The following CAPZA2 variants were observed in gnomAD, a reference collection of about 807,000 sequenced individuals.
CAPZA2 encodes capping actin protein of muscle Z-line subunit alpha 2.
In CAPZA2, 13 loss-of-function variants were observed where a neutral mutation model predicts 44.0. The ratio of observed to expected loss-of-function variants is 0.30; its 90% CI spans 0.19 to 0.47. The LOEUF is 0.47. Among genes scored for constraint, CAPZA2 ranks in the 20% least tolerant of loss-of-function variants. The pLI, the probability that CAPZA2 is intolerant of heterozygous loss-of-function variation, is 1.00. For synonymous variants in CAPZA2, 94 were observed against 108.2 expected (o/e 0.87, Z 0.81); for missense variants, 244 against 338.6 (o/e 0.72, Z 2.19).
intron 2 of CAPZA2, among the ~76,000 whole-genome samples, chr7:116,891,630 G>C (rs1413795679): frequency 3.9e-5 from 6 of 152,136 alleles, no homozygotes; most frequent in Non-Finnish European, 5.9e-5. Context: ...TCCTGCCTCA[G>C]CCTCCCAAGC....
At chr7:116,878,637 C>G (rs903658939) in intron 1 of CAPZA2, among the ~76,000 whole-genome samples, 4 of 152,112 alleles carry the variant, frequency 2.6e-5, no homozygotes, top group Non-Finnish European at 4.4e-5. Context: ...GTTGCTATTA[C>G]TGGTGTTTGA....
Position 116,886,141 on chromosome 7 carries a change from A to G in CAPZA2, c.40-1986A>G, listed in dbSNP as rs137903587. 8.4e-3 allele frequency: 1,296 copies of G among 154,962 alleles called. 6 individuals are homozygous for G. Among genetic ancestry groups the G allele is most frequent in the Non-Finnish European group, 0.012 (850 of 68,222 alleles). The allele number at this position is 154,962 out of a possible 1,614,324, so 9.6% of individuals were successfully genotyped here. On this transcript the variant is annotated intron_variant, in intron 1 of 9. Coordinates refer to ENST00000361183, the MANE Select transcript of CAPZA2 (RefSeq NM_006136.3). The stretch of plus-strand genomic sequence containing the variant: ...AAAAATGGTATTTAAATTAGTGCTT[A>G]CCAAGTACTTTAGATCATTTACTCT...
intron 1 of CAPZA2, among the ~76,000 whole-genome samples, chr7:116,866,849 A>T (rs764532775): frequency 1.1e-4 from 17 of 152,138 alleles, no homozygotes; most frequent in Admixed American, 2.0e-4. Context: ...TGTTCACTGG[A>T]GATGGTTAAT....
rs751850071 is a variant in CAPZA2, at chr7:116,892,980, TA to T, written c.104-12del. On this transcript the variant is annotated splice_polypyrimidine_tract_variant and intron_variant, in intron 2 of 9. Coordinates refer to ENST00000361183, the MANE Select transcript of CAPZA2 (RefSeq NM_006136.3). ...TATAACAATAATAATGTAGATAACA[TA>T]ATTGTTTTGCAGATGTTCGGTTACT... 59 of 1,570,528 alleles carry T rather than the reference TA, an allele frequency of 3.8e-5. No homozygotes were observed. The highest frequency in any genetic ancestry group is 3.4e-5 in the Admixed American group (2 of 58,010).
At chr7:116,900,532 G>GGTCA (rs1240274549) in intron 4 of CAPZA2, among the ~76,000 whole-genome samples, 1 of 151,858 alleles carries the variant, frequency 6.6e-6, no homozygotes, top group Non-Finnish European at 1.5e-5. Context: ...AAATGGTGGG[G>GGTCA]GTCAGAGTGG....
At chr7:116,915,989 A>G (rs1791674145) in intron 8 of CAPZA2, 71 bp from the exon 9 acceptor site, 1 of 1,014,204 alleles carries the variant, frequency 9.9e-7, no homozygotes, top group Non-Finnish European at 1.4e-6. Flanking sequence ...TACATTAACC[A>G]TACATATATT....
chr7:116,902,723 A>G (rs942257966), intron 4 of CAPZA2, among the ~76,000 whole-genome samples: 22 of 152,122 alleles, frequency 1.4e-4, no homozygotes, highest in Admixed American at 1.4e-3. Flanking sequence ...ATGTACAGCA[A>G]TACTCATTTC....
At chr7:116,882,225 A>T (rs946153950) in intron 1 of CAPZA2, among the ~76,000 whole-genome samples, 3 of 152,192 alleles carry the variant, frequency 2.0e-5, no homozygotes, top group Non-Finnish European at 4.4e-5. Context: ...TATTCTGCCC[A>T]CCAACTTTAG....
intron 8 of CAPZA2, among the ~76,000 whole-genome samples, chr7:116,914,059 G>A (rs1056014138): frequency 1.5e-4 from 20 of 134,164 alleles, no homozygotes; most frequent in South Asian, 9.2e-4. Context: ...ACGGAGTCTC[G>A]CTCTTTCGCC....
intron 4 of CAPZA2, among the ~76,000 whole-genome samples, chr7:116,900,274 T>C (rs191358641): frequency 1.3e-5 from 2 of 151,956 alleles, no homozygotes; most frequent in African/African-American, 2.4e-5. Flanking sequence ...CATTATCATT[T>C]ATCATAAATG....
intron 3 of CAPZA2, among the ~76,000 whole-genome samples, chr7:116,894,179 T>C (rs1401973925): frequency 6.6e-6 from 1 of 152,052 alleles, no homozygotes; most frequent in African/African-American, 2.4e-5. Flanking sequence ...CTGACCAACA[T>C]GGTGAAATCC....
intron 8 of CAPZA2, among the ~76,000 whole-genome samples, chr7:116,914,233 G>A (rs1791644893): frequency 6.6e-6 from 1 of 151,600 alleles, no homozygotes; most frequent in South Asian, 2.1e-4. Context: ...GTTTCACCGT[G>A]TTAGCCAGGA....
At chr7:116,870,708 G>A (rs1312406608) in intron 1 of CAPZA2, among the ~76,000 whole-genome samples, 1 of 152,166 alleles carries the variant, frequency 6.6e-6, no homozygotes, top group Non-Finnish European at 1.5e-5. Flanking sequence ...TGAGAACCTG[G>A]CTTAAGTGGA....
chr7:116,893,702 C>A (rs1414582574), intron 3 of CAPZA2, among the ~76,000 whole-genome samples: 1 of 152,172 alleles, frequency 6.6e-6, no homozygotes, highest in African/African-American at 2.4e-5. Context: ...ATGTTTGACC[C>A]TAATAGCTTT....
intron 2 of CAPZA2, among the ~76,000 whole-genome samples, chr7:116,890,525 AATATATATAT>A (rs869031070): frequency 3.3e-4 from 9 of 27,220 alleles, no homozygotes; most frequent in Non-Finnish European, 5.0e-4. Flanking sequence ...AAAAAAAAAA[AATATATATAT>A]ATATATATAT....
intron 6 of CAPZA2, among the ~76,000 whole-genome samples, chr7:116,907,663 T>G (rs901225796): frequency 6.6e-6 from 1 of 152,200 alleles, no homozygotes; most frequent in African/African-American, 2.4e-5. Context: ...ATTTTCTGTT[T>G]AGAGACAGAG....
At chr7:116,885,294 G>A (rs941762777) in intron 1 of CAPZA2, among the ~76,000 whole-genome samples, 1 of 150,298 alleles carries the variant, frequency 6.7e-6, no homozygotes, top group Non-Finnish European at 1.5e-5. Context: ...TCATGGTTTT[G>A]GTATCATGTC....
intron 2 of CAPZA2, 63 bp from the exon 3 acceptor site, chr7:116,892,931 T>A: frequency 8.4e-7 from 1 of 1,191,442 alleles, no homozygotes; most frequent in South Asian, 1.4e-5. Context: ...CAAAACAATC[T>A]GCGTTCATTA....
chr7:116,863,063 A>G (rs1796439177), intron 1 of CAPZA2, among the ~76,000 whole-genome samples: 1 of 152,092 alleles, frequency 6.6e-6, no homozygotes, highest in Non-Finnish European at 1.5e-5. Context: ...GCCCAAGGGC[A>G]GTGCCCAGCG....
Sources: gnomAD v4.1 joint callset for allele counts (sites outside exome capture counted in the v4.1 genomes callset) on GRCh38, gnomAD v4.1.1 for gene constraint, MANE v1.5 for transcripts, NCBI Gene and HGNC (gene_info 2026-07-23, HGNC 2026-07-21) for gene names.